Variants in STK33 observed in about 807,000 individuals in gnomAD.
STK33 encodes the protein serine/threonine-protein kinase 33.
In STK33, 52 loss-of-function variants were observed where a neutral mutation model predicts 58.0. The observed-to-expected ratio is 0.90, with a 90% CI of 0.72 to 1.13. The LOEUF (loss-of-function observed/expected upper bound fraction) is 1.13. Ranked by LOEUF, STK33 falls within the 50% of genes most tolerant of loss-of-function variation. STK33 has a pLI of 0.00. For synonymous variants in STK33, 215 were observed against 200.1 expected, an observed-to-expected ratio of 1.07 and a Z score of -0.63; for missense variants, 630 against 604.2, an observed-to-expected ratio of 1.04 and a Z score of -0.45.
chr11:8,444,877 T>A (rs1945223845), intron 11 of STK33, among the ~76,000 whole-genome samples: 1 of 152,172 alleles, frequency 6.6e-6, no homozygotes, highest in African/African-American at 2.4e-5. Context: ...AAAAGGTTCA[T>A]TTTTTGGTTC....
chr11:8,404,592 C>T (rs901177403), intron 15 of STK33, among the ~76,000 whole-genome samples: 7 of 152,136 alleles, frequency 4.6e-5, no homozygotes, highest in East Asian at 1.9e-4. Context: ...TTCAGATATT[C>T]GTAGATTCTC....
At chr11:8,509,083 T>C (rs1354734734) in intron 1 of STK33, among the ~76,000 whole-genome samples, 1 of 121,834 alleles carries the variant, frequency 8.2e-6, no homozygotes, top group Non-Finnish European at 1.6e-5. Flanking sequence ...GCCATTGCAC[T>C]CCAGCCTGGG....
At chr11:8,439,995 AGG>A in intron 12 of STK33, among the ~76,000 whole-genome samples, 1 of 150,956 alleles carries the variant, frequency 6.6e-6, no homozygotes, top group South Asian at 2.1e-4. Context: ...AAACATGGGG[AGG>A]GTGACCAGAA....
the STK33 span, among the ~76,000 whole-genome samples, chr11:8,384,039 G>C: frequency 6.6e-6 from 1 of 152,198 alleles, no homozygotes; most frequent in African/African-American, 2.4e-5. Context: ...CGATCAGCTA[G>C]ATGTGGGCAG....
intron 1 of STK33, among the ~76,000 whole-genome samples, chr11:8,571,787 C>T (rs1341247612): frequency 3.3e-5 from 5 of 149,454 alleles, no homozygotes; most frequent in Admixed American, 6.7e-5. Context: ...GACCCAAGAT[C>T]GCGCCACTGC....
the STK33 span, among the ~76,000 whole-genome samples, chr11:8,360,299 C>T: frequency 1.3e-5 from 2 of 152,186 alleles, no homozygotes; most frequent in Non-Finnish European, 2.9e-5. Context: ...TGGGTTCAGG[C>T]CGGTTCCTCT....
chr11:8,446,225 T>C (rs367931087), intron 11 of STK33, among the ~76,000 whole-genome samples: 1 of 152,046 alleles, frequency 6.6e-6, no homozygotes, highest in Non-Finnish European at 1.5e-5. Flanking sequence ...AGTGCTGATA[T>C]CCTCTTTACC....
intron 15 of STK33, among the ~76,000 whole-genome samples, chr11:8,400,467 T>C (rs1463256588): frequency 1.3e-5 from 2 of 152,156 alleles, no homozygotes; most frequent in African/African-American, 4.8e-5. Flanking sequence ...ATGGGACGTA[T>C]CTCAAAATAA....
intron 4 of STK33, among the ~76,000 whole-genome samples, chr11:8,476,283 T>C (rs1949265157): frequency 6.6e-6 from 1 of 152,188 alleles, no homozygotes; most frequent in African/African-American, 2.4e-5. Flanking sequence ...ATTTATATTC[T>C]TAAACCTTTA....
At chr11:8,370,022 C>G in the STK33 span, among the ~76,000 whole-genome samples, 95,398 of 152,066 alleles carry the variant, frequency 0.63, 30,353 homozygotes, top group African/African-American at 0.72. Flanking sequence ...TCCGTGTTAA[C>G]AACAGCCCCG....
At chr11:8,548,473 A>C (rs1956093842) in intron 1 of STK33, among the ~76,000 whole-genome samples, 1 of 152,090 alleles carries the variant, frequency 6.6e-6, no homozygotes. Context: ...CTATGTGTCC[A>C]TTTTTATGCC....
At chr11:8,419,353 G>T (rs1941584315) in intron 14 of STK33, among the ~76,000 whole-genome samples, 1 of 152,094 alleles carries the variant, frequency 6.6e-6, no homozygotes, top group Non-Finnish European at 1.5e-5. Context: ...TTTCCCCACT[G>T]CTTGGTTTTG....
chr11:8,494,871 C>T (rs1482444001), intron 1 of STK33, among the ~76,000 whole-genome samples: 2 of 152,164 alleles, frequency 1.3e-5, no homozygotes, highest in Non-Finnish European at 2.9e-5. Context: ...ATAAATGGTG[C>T]TGGGAAAACT....
At chr11:8,426,593 T>C in intron 14 of STK33, among the ~76,000 whole-genome samples, 1 of 152,202 alleles carries the variant, frequency 6.6e-6, no homozygotes, top group Non-Finnish European at 1.5e-5. Context: ...CAGCCTGTTT[T>C]CTCTATTTCT....
At chr11:8,503,405 G>A (rs1334338853) in intron 1 of STK33, among the ~76,000 whole-genome samples, 6 of 152,156 alleles carry the variant, frequency 3.9e-5, no homozygotes, top group Admixed American at 2.0e-4. Flanking sequence ...TTATAAGTGG[G>A]AGCTAAACAC....
chr11:8,409,781 C>A (rs1939895276), intron 15 of STK33, among the ~76,000 whole-genome samples: 1 of 152,060 alleles, frequency 6.6e-6, no homozygotes, highest in Admixed American at 6.5e-5. Context: ...ATAATGAAAG[C>A]ATTAATGGCT....
At chr11:8,534,999 G>T (rs1954882186) in intron 1 of STK33, among the ~76,000 whole-genome samples, 1 of 152,184 alleles carries the variant, frequency 6.6e-6, no homozygotes, top group Admixed American at 6.5e-5. Flanking sequence ...AAAGACGTCA[G>T]AGAAGGGGAG....
chr11:8,589,767 A>C (rs1259721037), intron 1 of STK33, among the ~76,000 whole-genome samples: 4 of 152,236 alleles, frequency 2.6e-5, no homozygotes, highest in African/African-American at 9.6e-5. Flanking sequence ...CTTGAAAATC[A>C]CTGCTGGATA....
intron 11 of STK33, among the ~76,000 whole-genome samples, chr11:8,446,806 C>T (rs2136662303): frequency 6.6e-6 from 1 of 152,224 alleles, no homozygotes; most frequent in East Asian, 1.9e-4. Flanking sequence ...ACACCTTATA[C>T]AAAAATTAAT....
Sources: gnomAD v4.1 joint callset for allele counts (sites outside exome capture counted in the v4.1 genomes callset) on GRCh38, gnomAD v4.1.1 for gene constraint, MANE v1.5 for transcripts, NCBI Gene and HGNC (gene_info 2026-07-23, HGNC 2026-07-21) for gene names.